The following LARP4 variants were observed in gnomAD, a reference collection of about 807,000 sequenced individuals.
LARP4 encodes the protein La ribonucleoprotein 4.
LARP4 carries 29 observed loss-of-function variants against 92.9 expected under a neutral mutation model. The ratio of observed to expected loss-of-function variants is 0.31; its 90% confidence interval spans 0.23 to 0.43. LARP4 has a LOEUF of 0.43. Ranked by LOEUF, LARP4 falls within the 20% of genes least tolerant of loss-of-function variation. The probability of loss-of-function intolerance (pLI) is 1.00; values close to 1 mark genes in which losing one functional copy is unlikely to be tolerated. For synonymous variants in LARP4, 279 were observed against 284.1 expected (o/e 0.98, Z 0.18); for missense variants, 732 against 860.0 (o/e 0.85, Z 1.86).
intron 1 of LARP4, among the ~76,000 whole-genome samples, chr12:50,410,081 C>G (rs1945579911): frequency 6.9e-6 from 1 of 145,408 alleles, no homozygotes; most frequent in African/African-American, 2.6e-5. Context: ...TGTGAGCCAC[C>G]ACGCCCGGCA....
chr12:50,473,348 A>T, intron 13 of LARP4, 67 bp from the exon 14 acceptor site: 1 of 1,198,738 alleles, frequency 8.3e-7, no homozygotes, highest in Non-Finnish European at 1.2e-6. Context: ...TCTTGTGCTT[A>T]TTAGACGTGT....
rs142670787 is a variant in LARP4 at position 50,463,867 on chromosome 12, A to G, written c.1383+1237A>G. ...CCGTATTTCCCCTCTGCACTGCCCT[A>G]GTAGAAGTTTTCCATGAGATCTGTG... is the stretch of plus-strand genomic sequence containing the variant. On this transcript the variant is annotated intron_variant, in intron 12 of 15. Transcript: ENST00000398473. Among the ~76,000 whole-genome samples, 31 of 152,228 alleles carry G rather than the reference A, an allele frequency of 2.0e-4. No individual in the cohort carries two copies. The East Asian group carries it at 5.8e-3, about 28-fold the overall frequency.
rs375971492 is a variant in LARP4, at chr12:50,437,786, A to G, written c.587A>G (p.His196Arg). 17 of 1,612,234 alleles carry G rather than the reference A, an allele frequency of 1.1e-5. No individual in the cohort carries two copies. In the African/African-American group the frequency reaches 2.3e-4, roughly 22 times the overall value. The change falls in exon 6 of 16, where the codon CAT becomes CGT. Residue 196 changes from histidine (H) to arginine (R), a missense_variant. His to Arg is a conservative substitution (Grantham distance 29, BLOSUM62 0). Coordinates refer to ENST00000398473, the MANE Select transcript of LARP4 (RefSeq NM_052879.5). ...DEKGEKVRPS[H>R]KRCIVILREI... ...AAGGGTGAGAAAGTGAGACCAAGTC[A>G]TAAGCGTTGTATTGTAATTCTTAGA... is the stretch of plus-strand genomic sequence containing the variant.
In LARP4 at chr12:50,475,744, CA is replaced by C; in HGVS notation, c.2056del (p.Arg686GlyfsTer23). 6.2e-7 allele frequency: 1 copy of C among 1,614,104 alleles called. No homozygotes were observed. Among genetic ancestry groups the C allele is most frequent in the Non-Finnish European group, 8.5e-7 (1 of 1,180,022 alleles). The part of the protein sequence containing the change: ...YSGFRGNIIP[R>X]GAAGKIREQR... ...CTGGCTTCCGAGGCAATATAATCCC[CA>C]GGGGAGCAGCAGGAAAAATCAGGGA... On this transcript the variant is annotated frameshift_variant, in exon 16 of 16. Coordinates refer to ENST00000398473, the MANE Select transcript of LARP4 (RefSeq NM_052879.5). LOFTEE classifies it high-confidence loss of function.
At chr12:50,438,595 G>A (rs988652033) in intron 6 of LARP4, among the ~76,000 whole-genome samples, 4 of 152,058 alleles carry the variant, frequency 2.6e-5, no homozygotes, top group African/African-American at 9.7e-5. Flanking sequence ...TACACGTACC[G>A]GAATAAAATA....
At chr12:50,437,367 A>G (rs1950587129) in intron 5 of LARP4, among the ~76,000 whole-genome samples, 1 of 151,866 alleles carries the variant, frequency 6.6e-6, no homozygotes, top group Non-Finnish European at 1.5e-5. Context: ...TGTTTGGCCA[A>G]TGAAAGTACA....
At chr12:50,458,274 G>C (rs1954699977) in intron 10 of LARP4, among the ~76,000 whole-genome samples, 1 of 151,830 alleles carries the variant, frequency 6.6e-6, no homozygotes, top group East Asian at 1.9e-4. Context: ...GTTTTTGTTT[G>C]TTTGTTTTTG....
rs200668876 is a variant in LARP4, at chr12:50,430,529, A to G, written c.357A>G (p.Leu119=). The G allele has an allele frequency of 9.9e-6, 16 of 1,608,276 alleles. No homozygotes were observed. Among genetic ancestry groups the G allele is most frequent in the Non-Finnish European group, 1.4e-5 (16 of 1,176,306 alleles). ...ATTCAGCAGTTTCTACAGAAGACCTAAAAGAATGTCTGAAGAAACAATTAG... is the reference window on the plus strand; with the variant it reads ...ATTCAGCAGTTTCTACAGAAGACCTGAAAGAATGTCTGAAGAAACAATTAG... ...ESNSAVSTED[L]KECLKKQLEF... Residue 119 remains leucine, a synonymous_variant, in exon 4 of 16, where the codon CTA becomes CTG. Transcript: ENST00000398473.
intron 1 of LARP4, among the ~76,000 whole-genome samples, chr12:50,410,733 C>T (rs1275156978): frequency 6.6e-6 from 1 of 152,166 alleles, no homozygotes; most frequent in Admixed American, 6.6e-5. Context: ...TGAAAATATT[C>T]ATGAATCTCA....
intron 8 of LARP4, among the ~76,000 whole-genome samples, chr12:50,447,062 T>G (rs1952327277): frequency 6.6e-6 from 1 of 152,190 alleles, no homozygotes; most frequent in Non-Finnish European, 1.5e-5. Context: ...GTGCCTTTGG[T>G]TTCTAATCTA....
In LARP4 at chr12:50,473,421, G is replaced by A; in HGVS notation, c.1552G>A (p.Glu518Lys). Residue 518 changes from glutamate (E) to lysine (K), a missense_variant, in exon 14 of 16, where the codon GAA (glutamate) becomes AAA (lysine). By Grantham distance (56) the Glu-to-Lys change is moderately conservative. Coordinates refer to ENST00000398473, the MANE Select transcript of LARP4 (RefSeq NM_052879.5). ...VKGVYKEKDN[E>K]ELTISCPVPA... Reference sequence around the variant, plus strand: ...AAAATCTTTTTACTTTAAGGATAATGAAGAGTTGACAATTAGTTGCCCAGT... The same window carrying A: ...AAAATCTTTTTACTTTAAGGATAATAAAGAGTTGACAATTAGTTGCCCAGT... 6.2e-7 allele frequency: 1 copy of A among 1,612,578 alleles called. No individual in the cohort carries two copies. Among genetic ancestry groups the A allele is most frequent in the Non-Finnish European group, 8.5e-7 (1 of 1,178,904 alleles).
chr12:50,444,556 A>G (rs1183681516), intron 8 of LARP4, among the ~76,000 whole-genome samples: 1 of 152,130 alleles, frequency 6.6e-6, no homozygotes, highest in East Asian at 1.9e-4. Flanking sequence ...CTATACTCCA[A>G]TCCTGGTGGT....
chr12:50,420,414 G>T (rs1164941892), intron 1 of LARP4, among the ~76,000 whole-genome samples: 1 of 152,212 alleles, frequency 6.6e-6, no homozygotes, highest in African/African-American at 2.4e-5. Flanking sequence ...TAATAGAGCA[G>T]TTGTGGAGAG....
intron 8 of LARP4, among the ~76,000 whole-genome samples, chr12:50,452,644 T>C (rs1953431972): frequency 1.3e-5 from 2 of 152,212 alleles, no homozygotes; most frequent in Non-Finnish European, 2.9e-5. Context: ...AGATGCTATC[T>C]TGTGATTTCA....
intron 1 of LARP4, among the ~76,000 whole-genome samples, chr12:50,426,637 C>T (rs1246965474): frequency 1.3e-5 from 2 of 150,270 alleles, no homozygotes; most frequent in Non-Finnish European, 2.9e-5. Context: ...AGCCCCTGCT[C>T]TCAAGATATG....
intron 13 of LARP4, among the ~76,000 whole-genome samples, chr12:50,467,841 C>T (rs1956351953): frequency 8.0e-6 from 1 of 125,320 alleles, no homozygotes; most frequent in African/African-American, 2.6e-5. Context: ...TCATTTTCTA[C>T]CTTTATTCTA....
At chr12:50,456,490 T>TTTA (rs1235504449) in intron 10 of LARP4, among the ~76,000 whole-genome samples, 2 of 152,062 alleles carry the variant, frequency 1.3e-5, no homozygotes, top group African/African-American at 4.8e-5. Context: ...CTGCCAGGCA[T>TTTA]TTATTATTAT....
chr12:50,410,596 G>A (rs1945698286), intron 1 of LARP4, among the ~76,000 whole-genome samples: 1 of 151,660 alleles, frequency 6.6e-6, no homozygotes, highest in Admixed American at 6.6e-5. Context: ...AGTAGAGACA[G>A]GGTTTCATCG....
chr12:50,455,677 C>T (rs555805620), intron 10 of LARP4, among the ~76,000 whole-genome samples: 1 of 152,296 alleles, frequency 6.6e-6, no homozygotes, highest in African/African-American at 2.4e-5. Flanking sequence ...AAATATTCTT[C>T]TCACTGGAAA....
Sources: allele counts gnomAD v4.1 joint callset (sites outside exome capture counted in the v4.1 genomes callset), GRCh38; gene constraint gnomAD v4.1.1; transcripts MANE v1.5; gene names NCBI Gene and HGNC (gene_info 2026-07-23, HGNC 2026-07-21).